Variants in PKP4 observed in about 807,000 individuals in gnomAD.
PKP4 encodes plakophilin 4.
A neutral mutation model predicts 145.1 loss-of-function variants in PKP4; 90 were observed. That is an observed-to-expected ratio of 0.62 (90% CI 0.52 to 0.74). The LOEUF (loss-of-function observed/expected upper bound fraction) is 0.74. PKP4 is among the 30% of genes least tolerant of loss of function. PKP4 has a pLI of 0.00. For missense variants in PKP4, 1,340 were observed against 1,482.7 expected, an observed-to-expected ratio of 0.90 and a Z score of 1.58; for synonymous variants, 563 against 577.2, an observed-to-expected ratio of 0.98 and a Z score of 0.35.
chr2:158,662,044 A>C (rs1445344644), intron 13 of PKP4, among the ~76,000 whole-genome samples: 1 of 152,142 alleles, frequency 6.6e-6, no homozygotes, highest in Non-Finnish European at 1.5e-5. Context: ...GGCCGAGGAA[A>C]GTGGAAAGAA....
intron 1 of PKP4, among the ~76,000 whole-genome samples, chr2:158,459,331 C>A (rs1689399787): frequency 6.6e-6 from 1 of 152,156 alleles, no homozygotes; most frequent in African/African-American, 2.4e-5. Flanking sequence ...CCTCTTTGCA[C>A]CTGGTTATTT....
At chr2:158,495,240 T>C (rs1276686747) in intron 1 of PKP4, among the ~76,000 whole-genome samples, 2 of 151,230 alleles carry the variant, frequency 1.3e-5, no homozygotes, top group African/African-American at 4.9e-5. Context: ...AAAAATGAAG[T>C]ACCATTTTTT....
rs535320538 is a variant in PKP4 at position 158,599,829 on chromosome 2, G to A, written c.246-3241G>A. On this transcript the variant is annotated intron_variant, in intron 3 of 21. Coordinates refer to ENST00000389759, the MANE Select transcript of PKP4 (RefSeq NM_003628.6). Reference sequence around the variant, plus strand: ...GCTCAGGATCACCCTATCTCCACATGTGGCTTCTTGTGAACTTCACTCACT... The same window carrying A: ...GCTCAGGATCACCCTATCTCCACATATGGCTTCTTGTGAACTTCACTCACT... Among the ~76,000 whole-genome samples the A allele has an allele frequency of 2.6e-5, 4 of 152,250 alleles. No individual in the cohort carries two copies. The South Asian group carries it at 8.3e-4, about 32-fold the overall frequency.
At position 158,634,180 on chromosome 2, in the gene PKP4, A is replaced by C. The variant is rs1266136900; in HGVS notation, c.1453A>C (p.Ile485Leu). ...TATYAEPYRP[I>L]QYRVQECNYN... ...TACCTACGCGGAGCCCTACAGGCCT[A>C]TACAATACCGAGTGCAAGAGTGCAA... is the stretch of plus-strand genomic sequence containing the variant. Residue 485 changes from isoleucine (I) to leucine (L), a missense_variant, in exon 9 of 22, where the codon ATA (isoleucine) becomes CTA (leucine). Coordinates refer to ENST00000389759, the MANE Select transcript of PKP4 (RefSeq NM_003628.6). 2 of 1,614,006 alleles carry C rather than the reference A, an allele frequency of 1.2e-6. No homozygotes were observed. Among genetic ancestry groups the C allele is most frequent in the Non-Finnish European group, 1.7e-6 (2 of 1,179,984 alleles).
intron 1 of PKP4, among the ~76,000 whole-genome samples, chr2:158,498,565 T>C (rs1696088988): frequency 6.6e-6 from 1 of 152,202 alleles, no homozygotes; most frequent in East Asian, 1.9e-4. Context: ...CAGCATTCCT[T>C]TTGTAGTAGT....
intron 13 of PKP4, among the ~76,000 whole-genome samples, chr2:158,661,972 C>T (rs1052635007): frequency 4.6e-5 from 7 of 152,192 alleles, no homozygotes; most frequent in South Asian, 4.2e-4. Context: ...CTCCTGTGCC[C>T]GAGTACAGGG....
At chr2:158,629,936 C>T (rs936718413) in intron 7 of PKP4, among the ~76,000 whole-genome samples, 7 of 152,060 alleles carry the variant, frequency 4.6e-5, no homozygotes, top group Non-Finnish European at 8.8e-5. Context: ...GTTTCACCAC[C>T]TTGGCCAGGC....
intron 1 of PKP4, among the ~76,000 whole-genome samples, chr2:158,481,349 A>G (rs1693325164): frequency 6.6e-6 from 1 of 152,208 alleles, no homozygotes; most frequent in Non-Finnish European, 1.5e-5. Context: ...TGATACTATA[A>G]ACATTTGTGT....
intron 2 of PKP4, among the ~76,000 whole-genome samples, chr2:158,562,750 ATTTG>A (rs1269595545): frequency 2.0e-5 from 3 of 152,252 alleles, no homozygotes; most frequent in Admixed American, 6.5e-5. Flanking sequence ...CTTTCAAACT[ATTTG>A]TTTATCAAAT....
intron 2 of PKP4, among the ~76,000 whole-genome samples, chr2:158,570,471 T>C (rs1244754876): frequency 6.6e-6 from 1 of 152,226 alleles, no homozygotes; most frequent in Admixed American, 6.5e-5. Flanking sequence ...ATTTTAGTAA[T>C]ATAAAACTCT....
At position 158,680,698 on chromosome 2, in the gene PKP4, G is replaced by A. The variant is rs1325691815; in HGVS notation, c.*21G>A. On this transcript the variant is annotated 3_prime_UTR_variant, in exon 22 of 22. Transcript: ENST00000389759. The stretch of plus-strand genomic sequence containing the variant: ...TGTAGCATCAAGATGCCCAACAGAG[G>A]AACTCTTTCTTTCTAACCTTGTTCA... The A allele has an allele frequency of 1.9e-6, 3 of 1,582,364 alleles. No homozygotes were observed. Among genetic ancestry groups the A allele is most frequent in the Non-Finnish European group, 2.6e-6 (3 of 1,166,408 alleles).
At chr2:158,608,481 A>T (rs191893021) in intron 4 of PKP4, among the ~76,000 whole-genome samples, 2 of 152,284 alleles carry the variant, frequency 1.3e-5, no homozygotes, top group Admixed American at 1.3e-4. Context: ...TGTGTCCATA[A>T]TTCACACTTA....
At chr2:158,567,437 T>C (rs912331001) in intron 2 of PKP4, among the ~76,000 whole-genome samples, 1 of 152,212 alleles carries the variant, frequency 6.6e-6, no homozygotes, top group African/African-American at 2.4e-5. Flanking sequence ...CTGAGTTGGC[T>C]TTTTATAAGT....
At chr2:158,600,784 C>G (rs1449489051) in intron 3 of PKP4, among the ~76,000 whole-genome samples, 2 of 152,058 alleles carry the variant, frequency 1.3e-5, no homozygotes, top group Non-Finnish European at 1.5e-5. Context: ...TACCATGGAA[C>G]TATTTATTTA....
intron 19 of PKP4, 95 bp downstream of exon 19, chr2:158,674,095 G>T: frequency 1.3e-6 from 1 of 796,526 alleles, no homozygotes; most frequent in South Asian, 1.4e-5. Flanking sequence ...GGTTAAGCCT[G>T]TCATCTCCAA....
At chr2:158,620,858 G>A in intron 4 of PKP4, 132 bp from the exon 5 acceptor site, 4 of 693,044 alleles carry the variant, frequency 5.8e-6, no homozygotes, top group African/African-American at 1.8e-5. Flanking sequence ...CAGATGTGCT[G>A]TGTAAGCTGA....
intron 11 of PKP4, among the ~76,000 whole-genome samples, chr2:158,642,910 G>A (rs1226468096): frequency 6.6e-6 from 1 of 152,140 alleles, no homozygotes; most frequent in Non-Finnish European, 1.5e-5. Context: ...ATAAGTTATT[G>A]TACTTATTAA....
chr2:158,558,824 A>G (rs1453012994), intron 2 of PKP4, among the ~76,000 whole-genome samples: 2 of 152,188 alleles, frequency 1.3e-5, no homozygotes, highest in African/African-American at 4.8e-5. Flanking sequence ...GTACTATTGC[A>G]GGCTGTGGAA....
At chr2:158,590,916 C>T (rs548328628) in intron 3 of PKP4, among the ~76,000 whole-genome samples, 33 of 152,192 alleles carry the variant, frequency 2.2e-4, no homozygotes, top group Middle Eastern at 3.4e-3. Context: ...GAAAGGGAGA[C>T]AGCCAGAAAT....
Sources: allele counts gnomAD v4.1 joint callset (sites outside exome capture counted in the v4.1 genomes callset), GRCh38; gene constraint gnomAD v4.1.1; transcripts MANE v1.5; gene names NCBI Gene and HGNC (gene_info 2026-07-23, HGNC 2026-07-21).